DLGAP2: variants seen among roughly 807,000 people sequenced by gnomAD.
The protein encoded by DLGAP2 is DLG associated protein 2.
A neutral mutation model predicts 100.3 loss-of-function variants in DLGAP2; 26 were observed. The ratio of observed to expected loss-of-function variants is 0.26; its 90% confidence interval spans 0.19 to 0.36. The LOEUF is 0.36. DLGAP2 is among the 10% of genes least tolerant of loss of function. DLGAP2 has a pLI of 1.00. For synonymous variants in DLGAP2, 886 were observed against 630.1 expected (o/e 1.41, Z -6.08); for missense variants, 1,858 against 1,453.2 (o/e 1.28, Z -4.53).
intron 3 of DLGAP2, among the ~76,000 whole-genome samples, chr8:1,327,105 C>A (rs1439816956): frequency 1.3e-5 from 2 of 152,250 alleles, no homozygotes; most frequent in Non-Finnish European, 2.9e-5. Context: ...CAGCCGTCTC[C>A]TGAGAGCGGA....
At chr8:1,377,266 C>G (rs1043336949) in intron 3 of DLGAP2, among the ~76,000 whole-genome samples, 1 of 152,172 alleles carries the variant, frequency 6.6e-6, no homozygotes, top group South Asian at 2.1e-4. Flanking sequence ...GGTCTTCGGC[C>G]GAGCGCAGTG....
intron 4 of DLGAP2, among the ~76,000 whole-genome samples, chr8:1,512,530 A>C (rs985436839): frequency 6.6e-6 from 1 of 152,092 alleles, no homozygotes; most frequent in Non-Finnish European, 1.5e-5. Flanking sequence ...CTCGGGTTGC[A>C]CGTGTGACTG....
rs148545283 is a variant in DLGAP2, at chr8:938,695, T to C, written c.73+30729T>C. On this transcript the variant is annotated intron_variant, in intron 2 of 14. Coordinates refer to ENST00000637795, the MANE Select transcript of DLGAP2 (RefSeq NM_001346810.2). Reference sequence around the variant, plus strand: ...GACCAGCCGGCATGGCAGCCCTGTGTAGCTCAGCTTGTGGGGGGCTGTGGC... The same window carrying C: ...GACCAGCCGGCATGGCAGCCCTGTGCAGCTCAGCTTGTGGGGGGCTGTGGC... Among the ~76,000 whole-genome samples, 523 of 152,294 alleles carry C rather than the reference T, an allele frequency of 3.4e-3. 1 individual carries two copies. The highest frequency in any genetic ancestry group is 0.012 in the African/African-American group (490 of 41,568).
At chr8:1,584,259 C>G (rs79579650) in intron 6 of DLGAP2, among the ~76,000 whole-genome samples, 1 of 152,106 alleles carries the variant, frequency 6.6e-6, no homozygotes, top group Non-Finnish European at 1.5e-5. Context: ...ATAAAGTAAT[C>G]CTGTTTAGAG....
At chr8:783,721 C>T (rs1348078425) in intron 1 of DLGAP2, among the ~76,000 whole-genome samples, 1 of 152,154 alleles carries the variant, frequency 6.6e-6, no homozygotes, top group Non-Finnish European at 1.5e-5. Flanking sequence ...CCTTCCCCCT[C>T]TTATGAAAGA....
intron 3 of DLGAP2, among the ~76,000 whole-genome samples, chr8:1,487,134 G>A (rs1799253836): frequency 6.6e-6 from 1 of 152,110 alleles, no homozygotes; most frequent in Admixed American, 6.5e-5. Context: ...TTTTCTGCGA[G>A]TAAACTTGAC....
At chr8:1,089,973 G>T (rs539991072) in intron 2 of DLGAP2, among the ~76,000 whole-genome samples, 1 of 152,322 alleles carries the variant, frequency 6.6e-6, no homozygotes, top group East Asian at 1.9e-4. Flanking sequence ...GGGGGCTGTG[G>T]AAACTCACAC....
intron 1 of DLGAP2, among the ~76,000 whole-genome samples, chr8:874,431 T>G (rs1797653027): frequency 6.6e-6 from 1 of 152,166 alleles, no homozygotes; most frequent in African/African-American, 2.4e-5. Flanking sequence ...AAGTATTTTC[T>G]AATTTCCTTT....
chr8:1,070,602 G>A (rs545764544), intron 2 of DLGAP2, among the ~76,000 whole-genome samples: 1 of 152,150 alleles, frequency 6.6e-6, no homozygotes, highest in African/African-American at 2.4e-5. Flanking sequence ...CAGTTTGAAA[G>A]GTGCAGCTTT....
At chr8:1,471,910 G>T (rs1461459451) in intron 3 of DLGAP2, among the ~76,000 whole-genome samples, 2 of 152,236 alleles carry the variant, frequency 1.3e-5, no homozygotes, top group East Asian at 3.9e-4. Flanking sequence ...TCCGTAAACG[G>T]TTGTGATTGC....
Position 1,355,207 on chromosome 8 carries a change from G to A in DLGAP2, c.106+96324G>A, listed in dbSNP as rs998753841. 7.2e-5 allele frequency among the ~76,000 whole-genome samples: 11 copies of A among 152,360 alleles called. 1 individual carries two copies. Among genetic ancestry groups the A allele is most frequent in the East Asian group, 5.8e-4 (3 of 5,184 alleles). ...CATGCCCGTGACAGTGGTGGCACCC[G>A]CGTGCTGGCGTGACAGCGGTGACAC... is the stretch of plus-strand genomic sequence containing the variant. On this transcript the variant is annotated intron_variant, in intron 3 of 14. Coordinates refer to ENST00000637795, the MANE Select transcript of DLGAP2 (RefSeq NM_001346810.2).
chr8:1,231,483 T>A (rs1324867034), intron 2 of DLGAP2, among the ~76,000 whole-genome samples: 1 of 152,332 alleles, frequency 6.6e-6, no homozygotes, highest in Non-Finnish European at 1.5e-5. Flanking sequence ...CATTACTGGC[T>A]ATGTATCCAA....
At chr8:999,509 C>G (rs117739716) in intron 2 of DLGAP2, among the ~76,000 whole-genome samples, 2 of 144,138 alleles carry the variant, frequency 1.4e-5, no homozygotes, top group African/African-American at 5.2e-5. Flanking sequence ...GATGGAGTGT[C>G]GGTCTGCCAG....
At chr8:1,036,181 C>T (rs1166901982) in intron 2 of DLGAP2, among the ~76,000 whole-genome samples, 94 of 150,226 alleles carry the variant, frequency 6.3e-4, no homozygotes, top group African/African-American at 2.2e-3. Context: ...CCCGACCCCG[C>T]GTGTCACCGC....
intron 3 of DLGAP2, among the ~76,000 whole-genome samples, chr8:1,303,115 G>A (rs1585239943): frequency 6.6e-6 from 1 of 152,174 alleles, no homozygotes. Context: ...AAGGAGGAAG[G>A]GGTGGGGCGC....
At chr8:1,574,276 G>A (rs1219595036) in intron 6 of DLGAP2, among the ~76,000 whole-genome samples, 4 of 152,178 alleles carry the variant, frequency 2.6e-5, no homozygotes, top group Non-Finnish European at 5.9e-5. Context: ...CGTGAGACAG[G>A]AGAGCAATGA....
At chr8:1,433,091 C>T (rs903973126) in intron 3 of DLGAP2, among the ~76,000 whole-genome samples, 6 of 152,324 alleles carry the variant, frequency 3.9e-5, no homozygotes, top group African/African-American at 7.2e-5. Flanking sequence ...GACTCCCTTG[C>T]CGAGCCACAC....
intron 2 of DLGAP2, among the ~76,000 whole-genome samples, chr8:998,205 T>A (rs1800842440): frequency 6.6e-6 from 1 of 152,160 alleles, no homozygotes; most frequent in Non-Finnish European, 1.5e-5. Context: ...AATACACACA[T>A]ACACATGCAT....
chr8:1,656,446 C>T (rs886985850), intron 8 of DLGAP2, among the ~76,000 whole-genome samples: 6 of 152,174 alleles, frequency 3.9e-5, no homozygotes, highest in African/African-American at 1.4e-4. Flanking sequence ...AGCAGTCTCC[C>T]ACCCCTTCAC....
Sources: allele counts gnomAD v4.1 joint callset (sites outside exome capture counted in the v4.1 genomes callset), GRCh38; gene constraint gnomAD v4.1.1; transcripts MANE v1.5; gene names NCBI Gene and HGNC (gene_info 2026-07-23, HGNC 2026-07-21).